The following ZPBP variants were observed in gnomAD, a reference collection of about 807,000 sequenced individuals.
The protein encoded by ZPBP is zona pellucida-binding protein 1.
In ZPBP, 26 loss-of-function variants were observed where a neutral mutation model predicts 44.8. That is an observed-to-expected ratio of 0.58 (90% CI 0.43 to 0.81). The LOEUF is 0.81. ZPBP is among the 30% of genes least tolerant of loss of function. ZPBP has a pLI of 0.00. For synonymous variants in ZPBP, 174 were observed against 153.2 expected (o/e 1.14, Z -1.00); for missense variants, 409 against 434.0 (o/e 0.94, Z 0.51).
chr7:49,874,790 G>A (rs907142992), intron 2 of ZPBP, among the ~76,000 whole-genome samples: 12 of 152,238 alleles, frequency 7.9e-5, no homozygotes, highest in Middle Eastern at 3.4e-3. Flanking sequence ...GGAGCCTCAC[G>A]TCTCACTTGT....
chr7:50,036,545 T>C (rs1010342775), intron 4 of ZPBP, among the ~76,000 whole-genome samples: 1 of 152,160 alleles, frequency 6.6e-6, no homozygotes, highest in African/African-American at 2.4e-5. Flanking sequence ...CATTGTAATA[T>C]GTAAACCACA....
chr7:49,859,394 G>T (rs182174363), intron 2 of ZPBP, among the ~76,000 whole-genome samples: 10 of 152,130 alleles, frequency 6.6e-5, no homozygotes, highest in Admixed American at 5.2e-4. Context: ...CCTCCTTAAA[G>T]TTTTAAATTC....
At chr7:49,925,086 T>C (rs1047018982) in intron 1 of ZPBP, among the ~76,000 whole-genome samples, 3 of 152,244 alleles carry the variant, frequency 2.0e-5, no homozygotes, top group African/African-American at 7.2e-5. Flanking sequence ...CAGGCAGCAC[T>C]CCTGACCCCT....
rs886374634 is a variant in ZPBP at position 49,950,223 on chromosome 7, T to C, written c.962-12601A>G. ...GTAGAAACAAATTTCACACATGTGG[T>C]CTACAATAATATGAATAGGTTAAAA... On this transcript the variant is annotated intron_variant, in intron 7 of 7. Coordinates refer to ENST00000046087, the MANE Select transcript of ZPBP (RefSeq NM_007009.3). Among the ~76,000 whole-genome samples the C allele has an allele frequency of 7.9e-5, 12 of 151,952 alleles. 1 individual carries two copies. The highest frequency in any genetic ancestry group is 2.9e-4 in the African/African-American group (12 of 41,434).
intron 7 of ZPBP, among the ~76,000 whole-genome samples, chr7:49,973,558 T>C (rs1187636725): frequency 6.6e-6 from 1 of 152,058 alleles, no homozygotes; most frequent in East Asian, 1.9e-4. Flanking sequence ...CCAAAGAAGA[T>C]ATACAAATGG....
intron 7 of ZPBP, among the ~76,000 whole-genome samples, chr7:49,981,695 A>AATAT (rs1562820655): frequency 4.7e-5 from 2 of 42,368 alleles, no homozygotes; most frequent in African/African-American, 3.7e-4. Flanking sequence ...TAATATATAT[A>AATAT]ATTATATATA....
Position 50,058,054 on chromosome 7 carries a change from A to G in ZPBP, c.422T>C (p.Phe141Ser), listed in dbSNP as rs776725897. Residue 141 changes from phenylalanine (F) to serine (S), a missense_variant, in exon 4 of 8, where the codon TTC becomes TCC. By Grantham distance (155) the Phe-to-Ser change is radical (BLOSUM62 -2). This residue lies in a region of ZPBP where 367 missense variants were observed against 363.1 expected (regional missense o/e 1.01). Transcript: ENST00000046087. Reference sequence around the variant, plus strand: ...TTCCACAGTAGGTTTATATTCGAGGAAACATGTATAAATTCCACTCATACT... The same window carrying G: ...TTCCACAGTAGGTTTATATTCGAGGGAACATGTATAAATTCCACTCATACT... ...EESMSGIYTCFLEYKPTVEEI... is the reference protein window; with the variant it reads ...EESMSGIYTCSLEYKPTVEEI... 6.2e-6 allele frequency: 10 copies of G among 1,613,598 alleles called. No homozygotes were observed. The South Asian group carries it at 1.1e-4, about 18-fold the overall frequency.
intron 5 of ZPBP, 119 bp downstream of exon 5, chr7:50,030,973 A>G (rs1017912020): frequency 8.6e-5 from 73 of 845,214 alleles, no homozygotes; most frequent in Non-Finnish European, 1.4e-4. Context: ...AGAACAAAAT[A>G]TATTTGGATG....
chr7:49,845,538 C>T (rs1235052628), downstream of ZPBP, among the ~76,000 whole-genome samples: 1 of 152,184 alleles, frequency 6.6e-6, no homozygotes, highest in Non-Finnish European at 1.5e-5. Context: ...GAGAGGCAGG[C>T]AAGTTGTCTG....
chr7:49,872,073 T>C (rs980791063), intron 2 of ZPBP, among the ~76,000 whole-genome samples: 7 of 151,628 alleles, frequency 4.6e-5, no homozygotes, highest in Non-Finnish European at 8.8e-5. Context: ...AGATGAATAA[T>C]ATATATTTAA....
chr7:49,969,337 G>A (rs1796189143), intron 7 of ZPBP, among the ~76,000 whole-genome samples: 2 of 150,676 alleles, frequency 1.3e-5, no homozygotes, highest in Non-Finnish European at 3.0e-5. Flanking sequence ...TGAATGTAAT[G>A]ATCCATTAAA....
intron 5 of ZPBP, among the ~76,000 whole-genome samples, chr7:50,026,719 C>CA (rs1467001153): frequency 6.6e-6 from 1 of 151,654 alleles, no homozygotes; most frequent in African/African-American, 2.4e-5. Context: ...CTACAAAAAA[C>CA]AAACAAACAA....
At chr7:50,070,059 CT>C (rs2128841117) in intron 3 of ZPBP, among the ~76,000 whole-genome samples, 1 of 152,228 alleles carries the variant, frequency 6.6e-6, no homozygotes, top group African/African-American at 2.4e-5. Flanking sequence ...CCAGGTGAGC[CT>C]AGTTAGGCTC....
chr7:49,958,374 T>C (rs1795701467), intron 7 of ZPBP, among the ~76,000 whole-genome samples: 1 of 152,222 alleles, frequency 6.6e-6, no homozygotes. Flanking sequence ...GATTTGTATA[T>C]ATCTTCAAAA....
chr7:50,053,224 C>G (rs1800776392), intron 4 of ZPBP, among the ~76,000 whole-genome samples: 1 of 152,090 alleles, frequency 6.6e-6, no homozygotes, highest in African/African-American at 2.4e-5. Context: ...TTCTTGCAAC[C>G]ATATGTTAAT....
At chr7:49,919,747 C>T (rs1793926699) in intron 1 of ZPBP, 1 of 152,338 alleles carries the variant, frequency 6.6e-6, no homozygotes, top group Non-Finnish European at 1.5e-5. Context: ...GGTAGTCCCA[C>T]TCATCCCCAG....
intron 6 of ZPBP, among the ~76,000 whole-genome samples, chr7:49,988,869 G>A (rs1003153228): frequency 8.5e-5 from 13 of 152,218 alleles, no homozygotes; most frequent in African/African-American, 2.7e-4. Context: ...AATGTTTTCA[G>A]TAATGACTTT....
chr7:49,840,747 G>A, the ZPBP span, among the ~76,000 whole-genome samples: 1 of 152,180 alleles, frequency 6.6e-6, no homozygotes, highest in Admixed American at 6.5e-5. Context: ...CATTTTTGTG[G>A]ATCCGGCATT....
chr7:50,063,207 A>T (rs534856976), intron 3 of ZPBP, among the ~76,000 whole-genome samples: 1 of 152,342 alleles, frequency 6.6e-6, no homozygotes, highest in East Asian at 1.9e-4. Flanking sequence ...TAGCCACAGA[A>T]AAACAGGCAG....
Sources: gnomAD v4.1 joint callset for allele counts (sites outside exome capture counted in the v4.1 genomes callset) on GRCh38, gnomAD v4.1.1 for gene constraint, gnomAD v4.1.1 regional missense constraint, MANE v1.5 for transcripts, NCBI Gene and HGNC (gene_info 2026-07-23, HGNC 2026-07-21) for gene names.